Variants in NHS observed in about 807,000 individuals in gnomAD.
The protein encoded by NHS is actin remodeling regulator NHS.
NHS carries 5 observed loss-of-function variants against 72.5 expected under a neutral mutation model. The ratio of observed to expected loss-of-function variants is 0.07; its 90% confidence interval spans 0.04 to 0.14. The LOEUF is 0.14. NHS is among the 10% of genes least tolerant of loss of function. The pLI is 1.00. For synonymous variants in NHS, 464 were observed against 547.7 expected, an observed-to-expected ratio of 0.85 and a Z score of 2.13; for missense variants, 1,072 against 1,355.7, an observed-to-expected ratio of 0.79 and a Z score of 3.29.
intron 3 of NHS, among the ~76,000 whole-genome samples, chrX:17,718,529 A>G (rs1246960632): frequency 1.0e-5 from 1 of 97,713 alleles, no homozygotes; most frequent in Admixed American, 1.1e-4. Context: ...GAAGGGAGGG[A>G]AGGAAAAAAG....
chrX:17,382,311 G>A (rs1306310928), intron 1 of NHS, among the ~76,000 whole-genome samples: 1 of 111,544 alleles, frequency 9.0e-6, no homozygotes, highest in East Asian at 2.8e-4. Flanking sequence ...TCATTTGTCA[G>A]CTGTATGTAT....
chrX:17,598,096 C>T (rs2147048222), intron 1 of NHS, among the ~76,000 whole-genome samples: 1 of 111,587 alleles, frequency 9.0e-6, no homozygotes, highest in South Asian at 3.8e-4. Context: ...CAGGGCCTGC[C>T]CTACCCAGCA....
rs981272120 is a variant in NHS at position 17,715,442 on chromosome X, G to C, written c.853-3902G>C. 3.6e-5 allele frequency among the ~76,000 whole-genome samples: 4 copies of C among 112,360 alleles called. No homozygotes were observed. In the Admixed American group the frequency reaches 3.8e-4, roughly 11 times the overall value. On this transcript the variant is annotated intron_variant, in intron 3 of 8. Transcript: ENST00000676302. ...CAATCGTTGGTTGATGAGCATTTAG[G>C]TTGGTTCCATATTTTTGCAATTGCA...
At chrX:17,568,071 A>G (rs1021517824) in intron 1 of NHS, among the ~76,000 whole-genome samples, 2 of 111,881 alleles carry the variant, frequency 1.8e-5, no homozygotes, top group Non-Finnish European at 3.8e-5. Flanking sequence ...ATTCATCCTC[A>G]GAACCAGTAA....
intron 1 of NHS, among the ~76,000 whole-genome samples, chrX:17,562,914 G>A (rs57332511): frequency 0.019 from 2,107 of 111,569 alleles, 47 homozygotes; most frequent in African/African-American, 0.065. Flanking sequence ...CTAAAATTCT[G>A]CCTGGGTTGT....
intron 1 of NHS, among the ~76,000 whole-genome samples, chrX:17,404,685 T>C (rs1315423294): frequency 9.0e-6 from 1 of 110,996 alleles, no homozygotes; most frequent in Admixed American, 9.6e-5. Flanking sequence ...TTCCTTCTTA[T>C]ACGCCAAGCT....
chrX:17,561,557 TGCGCGCGCGC>T (rs1240571846), intron 1 of NHS, among the ~76,000 whole-genome samples: 77 of 76,508 alleles, frequency 1.0e-3, no homozygotes, highest in African/African-American at 4.0e-3. Context: ...TGCAAGTGCA[TGCGCGCGCGC>T]GCGCGCGCAC....
At chrX:17,706,162 C>G (rs1036561789) in intron 3 of NHS, among the ~76,000 whole-genome samples, 2 of 111,015 alleles carry the variant, frequency 1.8e-5, no homozygotes, top group Non-Finnish European at 3.8e-5. Context: ...ACTGCACTTC[C>G]GCCTGGATGA....
At chrX:17,603,271 T>A (rs909134910) in intron 1 of NHS, among the ~76,000 whole-genome samples, 8 of 112,551 alleles carry the variant, frequency 7.1e-5, no homozygotes, top group African/African-American at 2.6e-4. Context: ...ATTTCCATTT[T>A]TATGTGCATT....
intron 1 of NHS, among the ~76,000 whole-genome samples, chrX:17,460,772 T>C (rs2064843837): frequency 8.9e-6 from 1 of 112,294 alleles, no homozygotes; most frequent in Non-Finnish European, 1.9e-5. Context: ...TGGCATTCTG[T>C]TATATAGATA....
At chrX:17,464,501 A>G (rs1300163479) in intron 1 of NHS, among the ~76,000 whole-genome samples, 1 of 112,277 alleles carries the variant, frequency 8.9e-6, no homozygotes, top group Non-Finnish European at 1.9e-5. Context: ...TGGATTGACC[A>G]GTGTCCTGAA....
chrX:17,551,890 G>T (rs761831705), intron 1 of NHS, among the ~76,000 whole-genome samples: 50 of 111,944 alleles, frequency 4.5e-4, no homozygotes, highest in African/African-American at 1.6e-3. Context: ...CCAAACAGCC[G>T]CCAGCACAGA....
chrX:17,635,723 T>A (rs2065843157), intron 1 of NHS: 2 of 726,104 alleles, frequency 2.8e-6, no homozygotes, highest in African/African-American at 4.3e-5. Flanking sequence ...TGTTTCCCAA[T>A]GAAAGTGAGC....
chrX:17,700,076 G>T (rs934202024), intron 3 of NHS, among the ~76,000 whole-genome samples: 1 of 111,358 alleles, frequency 9.0e-6, no homozygotes, highest in Admixed American at 9.5e-5. Flanking sequence ...TTGAGGAAAA[G>T]ATGTGAACAG....
chrX:17,693,736 G>A (rs111991889), intron 3 of NHS, among the ~76,000 whole-genome samples: 1,958 of 112,743 alleles, frequency 0.017, 54 homozygotes, highest in African/African-American at 0.059. Flanking sequence ...ACTGAGCGCC[G>A]TGTTGCACTT....
At chrX:17,455,938 G>C (rs1429330468) in intron 1 of NHS, among the ~76,000 whole-genome samples, 1 of 111,193 alleles carries the variant, frequency 9.0e-6, no homozygotes, top group Non-Finnish European at 1.9e-5. Flanking sequence ...AGCTAAGGCA[G>C]GCAAAATGGA....
At chrX:17,410,516 CTTT>C (rs200959395) in intron 1 of NHS, among the ~76,000 whole-genome samples, 2 of 82,225 alleles carry the variant, frequency 2.4e-5, no homozygotes, top group South Asian at 5.6e-4. Flanking sequence ...CAACTCTCTG[CTTT>C]TTTTTTTTTT....
intron 1 of NHS, chrX:17,635,713 T>G: frequency 1.3e-6 from 1 of 784,254 alleles, no homozygotes; most frequent in Non-Finnish European, 1.8e-6. Context: ...AAGATAACTA[T>G]GTTTCCCAAT....
chrX:17,559,504 ACT>A (rs775549409), intron 1 of NHS, among the ~76,000 whole-genome samples: 6 of 112,019 alleles, frequency 5.4e-5, no homozygotes, highest in Non-Finnish European at 9.4e-5. Flanking sequence ...AAAAATCCAT[ACT>A]GTTTATTTAT....
Sources: gnomAD v4.1 joint callset for allele counts (sites outside exome capture counted in the v4.1 genomes callset) on GRCh38, gnomAD v4.1.1 for gene constraint, MANE v1.5 for transcripts, NCBI Gene and HGNC (gene_info 2026-07-23, HGNC 2026-07-21) for gene names.